Variants in RPIA observed in about 807,000 individuals in gnomAD.
RPIA encodes the protein ribose-5-phosphate isomerase.
Under a neutral mutation model 37.8 loss-of-function variants are expected in RPIA, and 29 were observed. The observed-to-expected ratio is 0.77, with a 90% CI of 0.57 to 1.05. The LOEUF is 1.05. Among genes scored for constraint, RPIA ranks in the 50% least tolerant of loss-of-function variants. RPIA has a pLI of 0.00. For missense variants in RPIA, 385 were observed against 413.6 expected (o/e 0.93, Z 0.60); for synonymous variants, 167 against 157.0 (o/e 1.06, Z -0.48).
At chr2:88,703,646 A>C (rs1672862741) in intron 3 of RPIA, among the ~76,000 whole-genome samples, 1 of 152,090 alleles carries the variant, frequency 6.6e-6, no homozygotes, top group African/African-American at 2.4e-5. Context: ...TTTTTCTCCT[A>C]GGCCTCCAGG....
intron 3 of RPIA, among the ~76,000 whole-genome samples, chr2:88,728,826 C>T (rs1274453741): frequency 6.6e-6 from 1 of 152,050 alleles, no homozygotes; most frequent in East Asian, 1.9e-4. Flanking sequence ...TTCTTTTCCT[C>T]ATATTTACTT....
intron 1 of RPIA, among the ~76,000 whole-genome samples, chr2:88,697,317 T>A (rs530746095): frequency 1.2e-4 from 19 of 152,328 alleles, no homozygotes; most frequent in Non-Finnish European, 2.1e-4. Flanking sequence ...TCATAAGTGA[T>A]TGTTGTGAGA....
chr2:88,736,480 C>A (rs1673316888), intron 6 of RPIA, 55 bp from the exon 7 acceptor site: 2 of 1,602,528 alleles, frequency 1.2e-6, no homozygotes, highest in Non-Finnish European at 1.7e-6. Context: ...TTGGTGTTTG[C>A]CTGTACTGTT....
At chr2:88,711,620 C>A (rs957361977) in intron 3 of RPIA, among the ~76,000 whole-genome samples, 1 of 152,126 alleles carries the variant, frequency 6.6e-6, no homozygotes, top group African/African-American at 2.4e-5. Flanking sequence ...ATTAATTCTC[C>A]CCTGGGTCAA....
intron 3 of RPIA, among the ~76,000 whole-genome samples, chr2:88,725,043 G>A (rs920793198): frequency 6.6e-6 from 1 of 152,198 alleles, no homozygotes; most frequent in Non-Finnish European, 1.5e-5. Context: ...ACCAGCTGTG[G>A]GGTTTGCTTC....
chr2:88,749,209 C>T lies in RPIA; in HGVS notation c.839-772C>T, dbSNP rs139920299. Among the ~76,000 whole-genome samples, 108 of 152,288 alleles carry T rather than the reference C, an allele frequency of 7.1e-4. 1 individual carries two copies. Among genetic ancestry groups the T allele is most frequent in the African/African-American group, 2.5e-3 (102 of 41,566 alleles). ...TGAATCCATCAGCTTGGAAGATGAA[C>T]ATTTCCAAAGTGCTTTTGCCAGCTC... On this transcript the variant is annotated intron_variant, in intron 8 of 8. Coordinates refer to ENST00000283646, the MANE Select transcript of RPIA (RefSeq NM_144563.3).
At chr2:88,722,453 T>C in intron 3 of RPIA, among the ~76,000 whole-genome samples, 1 of 152,222 alleles carries the variant, frequency 6.6e-6, no homozygotes, top group African/African-American at 2.4e-5. Context: ...ATGAAAAGTT[T>C]GATAGTCATT....
chr2:88,710,255 A>G (rs555705832), intron 3 of RPIA, among the ~76,000 whole-genome samples: 2 of 152,278 alleles, frequency 1.3e-5, no homozygotes, highest in South Asian at 2.1e-4. Context: ...TATGTTGTGC[A>G]GGCTGTTCTC....
chr2:88,750,929 A>G lies in RPIA; in HGVS notation c.*851A>G. On this transcript the variant is annotated 3_prime_UTR_variant, in exon 9 of 9. Transcript: ENST00000283646. ...GGTTTAAATAAAACAGTGTGGTGCC[A>G]TTTTGACTCTTTTGTCTTTATTGTA... The G allele has an allele frequency of 7.7e-6, 3 of 391,620 alleles. No individual in the cohort carries two copies. Among genetic ancestry groups the G allele is most frequent in the Non-Finnish European group, 4.5e-6 (1 of 222,334 alleles). The allele number at this position is 391,620 out of a possible 1,614,324, so 24.3% of individuals were successfully genotyped here. A position where few individuals can be genotyped will look rare whatever the true frequency, so the allele number is the denominator to read the frequency against.
chr2:88,716,800 G>A (rs1195939657), intron 3 of RPIA, among the ~76,000 whole-genome samples: 1 of 152,124 alleles, frequency 6.6e-6, no homozygotes, highest in African/African-American at 2.4e-5. Context: ...CTCCCCCTTT[G>A]CCCTCTGAAG....
chr2:88,738,075 A>T lies in RPIA; in HGVS notation c.837A>T (p.Pro279=), dbSNP rs372040051. 5 of 1,608,684 alleles carry T rather than the reference A, an allele frequency of 3.1e-6. No homozygotes were observed. The highest frequency in any genetic ancestry group is 4.3e-6 in the Non-Finnish European group (5 of 1,175,152). The change falls in exon 8 of 9, where the codon CCA becomes CCT. Residue 279 remains proline, a splice_region_variant and synonymous_variant. Transcript: ENST00000283646. ...SEVNTAIKMI[P]GVVDTGLFIN... ...TGAATACAGCTATCAAAATGATCCC[A>T]GGTAACATGAGTGGTGTTCACCAGT... is the stretch of plus-strand genomic sequence containing the variant.
At chr2:88,734,800 G>A (rs1297289489) in intron 5 of RPIA, among the ~76,000 whole-genome samples, 184 bp downstream of exon 5, 1 of 152,182 alleles carries the variant, frequency 6.6e-6, no homozygotes, top group African/African-American at 2.4e-5. Context: ...GCAATTTACT[G>A]ACAAGGAACC....
In RPIA at chr2:88,732,728, TAAAAAAAAAAAAAAAAAA is replaced by T. The variant is rs75685116; in HGVS notation, c.463-1804_463-1787del. Among the ~76,000 whole-genome samples, 3 of 2,004 alleles carry T rather than the reference TAAAAAAAAAAAAAAAAAA, an allele frequency of 1.5e-3. 1 individual carries two copies. Among genetic ancestry groups the T allele is most frequent in the South Asian group, 0.014 (1 of 74 alleles). 1.3% of individuals were successfully genotyped at this position (2,004 alleles called of 152,430 possible). ...ATGTACCCTAAAACTTAGAGTATAA[TAAAAAAAAAAAAAAAAAA>T]AAAAAAAAAAAAAAAAAAAGAAAAT... On this transcript the variant is annotated intron_variant, in intron 4 of 8. Transcript: ENST00000283646.
intron 8 of RPIA, among the ~76,000 whole-genome samples, chr2:88,739,190 G>C (rs957206857): frequency 2.6e-5 from 4 of 152,178 alleles, no homozygotes; most frequent in Admixed American, 2.6e-4. Flanking sequence ...AGGATATTGC[G>C]AGACTAAGAG....
At chr2:88,700,103 C>T (rs1325037995) in intron 3 of RPIA, 39 bp downstream of exon 3, 1 of 1,601,264 alleles carries the variant, frequency 6.2e-7, no homozygotes, top group South Asian at 1.1e-5. Context: ...ACAGCTTCTG[C>T]TGTATCTTCT....
chr2:88,707,284 AT>A (rs1192971812), intron 3 of RPIA, among the ~76,000 whole-genome samples: 28 of 151,564 alleles, frequency 1.8e-4, no homozygotes, highest in African/African-American at 6.3e-4. Flanking sequence ...ACTGGTAAAT[AT>A]TGACTTTTCT....
chr2:88,717,843 A>C (rs753453655), intron 3 of RPIA, among the ~76,000 whole-genome samples: 1 of 152,182 alleles, frequency 6.6e-6, no homozygotes, highest in Non-Finnish European at 1.5e-5. Context: ...ATGTCCTGTG[A>C]AGAGAAAATA....
chr2:88,709,804 T>TAA (rs1672940323), intron 3 of RPIA, among the ~76,000 whole-genome samples: 1 of 152,246 alleles, frequency 6.6e-6, no homozygotes, highest in Non-Finnish European at 1.5e-5. Flanking sequence ...AGAGCAGCCT[T>TAA]TGGCTGCTGC....
chr2:88,737,397 C>A (rs1033165691), intron 7 of RPIA, among the ~76,000 whole-genome samples: 2 of 151,972 alleles, frequency 1.3e-5, no homozygotes, highest in Non-Finnish European at 2.9e-5. Flanking sequence ...TAAAAAAAAA[C>A]CGTAGTTCTG....
Sources: allele counts gnomAD v4.1 joint callset (sites outside exome capture counted in the v4.1 genomes callset), GRCh38; gene constraint gnomAD v4.1.1; transcripts MANE v1.5; gene names NCBI Gene and HGNC (gene_info 2026-07-23, HGNC 2026-07-21).